HMGXB4: variants seen among roughly 807,000 people sequenced by gnomAD.
HMGXB4 encodes the protein HMG-box containing 4, also known as HMG domain-containing protein 4.
HMGXB4 carries 27 observed loss-of-function variants against 63.9 expected under a neutral mutation model. That is an observed-to-expected ratio of 0.42 (90% CI 0.31 to 0.58). The LOEUF (loss-of-function observed/expected upper bound fraction) is 0.58. Among genes scored for constraint, HMGXB4 ranks in the 20% least tolerant of loss-of-function variants. The probability of loss-of-function intolerance (pLI) is 0.13; values close to 1 mark genes in which losing one functional copy is unlikely to be tolerated. For synonymous variants in HMGXB4, 264 were observed against 265.3 expected (o/e 0.99, Z 0.05); for missense variants, 624 against 700.7 (o/e 0.89, Z 1.24).
intron 5 of HMGXB4, among the ~76,000 whole-genome samples, chr22:35,278,427 A>G (rs1314174558): frequency 1.3e-5 from 2 of 152,138 alleles, no homozygotes; most frequent in Non-Finnish European, 2.9e-5. Flanking sequence ...AGAACCACCA[A>G]ACTGTTTTCC....
the HMGXB4 span, among the ~76,000 whole-genome samples, chr22:35,245,021 C>T: frequency 1.2e-4 from 19 of 152,060 alleles, no homozygotes; most frequent in African/African-American, 3.6e-4. Context: ...TACAGGTGCC[C>T]GCCACCACGC....
At chr22:35,274,067 T>C (rs889921610) in intron 5 of HMGXB4, among the ~76,000 whole-genome samples, 10 of 152,352 alleles carry the variant, frequency 6.6e-5, no homozygotes, top group Non-Finnish European at 1.0e-4. Flanking sequence ...GAAGATACAG[T>C]GTCTGCTCTC....
At chr22:35,259,195 T>G (rs1282957353) in intron 1 of HMGXB4, among the ~76,000 whole-genome samples, 3 of 152,228 alleles carry the variant, frequency 2.0e-5, no homozygotes, top group Non-Finnish European at 4.4e-5. Flanking sequence ...TTTGTGCATT[T>G]CATAAGTATA....
intron 5 of HMGXB4, among the ~76,000 whole-genome samples, chr22:35,282,061 AC>A (rs1298431823): frequency 1.3e-5 from 2 of 152,236 alleles, no homozygotes; most frequent in Non-Finnish European, 2.9e-5. Flanking sequence ...AAAGCAAGAT[AC>A]AACTCTGAAG....
intron 5 of HMGXB4, among the ~76,000 whole-genome samples, chr22:35,269,661 G>C (rs957503387): frequency 6.6e-6 from 1 of 152,216 alleles, no homozygotes; most frequent in Non-Finnish European, 1.5e-5. Flanking sequence ...GTTTATTTAT[G>C]ATCTAAATGA....
At chr22:35,249,764 A>G in the HMGXB4 span, 1 of 99,596 alleles carries the variant, frequency 1.0e-5, no homozygotes, top group South Asian at 3.6e-4. Context: ...AGGGGAAGAC[A>G]AAATGTAAAA....
At chr22:35,273,168 C>T (rs938025625) in intron 5 of HMGXB4, among the ~76,000 whole-genome samples, 2 of 152,152 alleles carry the variant, frequency 1.3e-5, no homozygotes, top group Non-Finnish European at 1.5e-5. Context: ...GTAACAGCAA[C>T]AATAAATGGT....
At chr22:35,268,593 T>TC (rs1255438433) in intron 5 of HMGXB4, among the ~76,000 whole-genome samples, 3 of 152,188 alleles carry the variant, frequency 2.0e-5, no homozygotes, top group African/African-American at 7.2e-5. Context: ...GACTCTAAGC[T>TC]CCAAGAGGAC....
chr22:35,283,446 A>G (rs1335259683), intron 5 of HMGXB4, among the ~76,000 whole-genome samples: 1 of 152,210 alleles, frequency 6.6e-6, no homozygotes, highest in African/African-American at 2.4e-5. Flanking sequence ...TTTACCTACT[A>G]AAATTAAAAC....
Position 35,263,237 on chromosome 22 carries a change from A to C in HMGXB4, c.180+11A>C. 15 of 1,598,206 alleles carry C rather than the reference A, an allele frequency of 9.4e-6. No homozygotes were observed. Among genetic ancestry groups the C allele is most frequent in the Non-Finnish European group, 1.2e-5 (14 of 1,174,378 alleles). ...AAGAAGAAGTTGAAGGTAAGTCCTG[A>C]AAATTTAAATTAGGAAAGTCTTAAA... On this transcript the variant is annotated intron_variant, in intron 3 of 10. Coordinates refer to ENST00000216106, the MANE Select transcript of HMGXB4 (RefSeq NM_001003681.3).
intron 6 of HMGXB4, 60 bp from the exon 7 acceptor site, chr22:35,285,937 C>A (rs1569005243): frequency 1.6e-6 from 2 of 1,278,196 alleles, no homozygotes; most frequent in Non-Finnish European, 2.2e-6. Context: ...TTTCACCAAT[C>A]TTCTATTTTG....
At position 35,271,666 on chromosome 22, in the gene HMGXB4, C is replaced by T. The variant is rs1330988224; in HGVS notation, c.1215+6063C>T. On this transcript the variant is annotated intron_variant, in intron 5 of 10. Coordinates refer to ENST00000216106, the MANE Select transcript of HMGXB4 (RefSeq NM_001003681.3). ...CAATACATGCGGAAGTGTTCAGGGC[C>T]TCGGTGTGCCAAGGCGCTCTGGGAC... Among the ~76,000 whole-genome samples, 3 of 152,218 alleles carry T rather than the reference C, an allele frequency of 2.0e-5. No individual in the cohort carries two copies. In the East Asian group the frequency reaches 5.8e-4, roughly 29 times the overall value.
rs566197228 is a variant in HMGXB4, at chr22:35,258,794, G to A, written c.-69+1237G>A. Among the ~76,000 whole-genome samples the A allele has an allele frequency of 2.0e-5, 3 of 152,362 alleles. No homozygotes were observed. In the South Asian group the frequency reaches 6.2e-4, roughly 32 times the overall value. ...TGACTGGCATTTTGAGTTCTTGAAA[G>A]GAGTGGTTGGAAGAAGAGAATGCAG... On this transcript the variant is annotated intron_variant, in intron 1 of 10. Transcript: ENST00000216106.
chr22:35,281,639 ATATATACTT>A (rs1270117251), intron 5 of HMGXB4, among the ~76,000 whole-genome samples: 4 of 152,218 alleles, frequency 2.6e-5, no homozygotes, highest in Admixed American at 6.5e-5. Context: ...TCTCTCAAGC[ATATATACTT>A]TCTAATGTTC....
At chr22:35,285,287 G>A (rs907930612) in intron 6 of HMGXB4, among the ~76,000 whole-genome samples, 1 of 152,206 alleles carries the variant, frequency 6.6e-6, no homozygotes, top group Non-Finnish European at 1.5e-5. Context: ...GCTCACGCCT[G>A]TAATCCCAAC....
chr22:35,251,135 C>T, the HMGXB4 span, among the ~76,000 whole-genome samples: 22 of 151,612 alleles, frequency 1.5e-4, no homozygotes, highest in Admixed American at 1.4e-3. Flanking sequence ...AGTGCAGTGG[C>T]GCGATCTTGG....
chr22:35,288,488 T>A lies in HMGXB4; in HGVS notation c.1638+81T>A, dbSNP rs963259482. 9 of 1,130,326 alleles carry A rather than the reference T, an allele frequency of 8.0e-6. No individual in the cohort carries two copies. In the Admixed American group the frequency reaches 1.8e-4, roughly 22 times the overall value. 70.0% of individuals were successfully genotyped at this position (1,130,326 alleles called of 1,614,324 possible). A position where few individuals can be genotyped will look rare whatever the true frequency, so the allele number is the denominator to read the frequency against. On this transcript the variant is annotated intron_variant, in intron 9 of 10. Coordinates refer to ENST00000216106, the MANE Select transcript of HMGXB4 (RefSeq NM_001003681.3). ...TTTTGATTCATTCACTCATTTTACA[T>A]ACATGTATTGAGCATCTACTTTATG... is the stretch of plus-strand genomic sequence containing the variant.
intron 5 of HMGXB4, among the ~76,000 whole-genome samples, chr22:35,268,790 A>G (rs1200750814): frequency 6.6e-6 from 1 of 152,234 alleles, no homozygotes; most frequent in African/African-American, 2.4e-5. Flanking sequence ...TCTATTAAAC[A>G]TACACTGTAT....
At chr22:35,270,533 G>A (rs1923543104) in intron 5 of HMGXB4, among the ~76,000 whole-genome samples, 1 of 152,198 alleles carries the variant, frequency 6.6e-6, no homozygotes, top group African/African-American at 2.4e-5. Context: ...TGGAAAAATT[G>A]TTTTCCACGA....
Sources: gnomAD v4.1 joint callset for allele counts (sites outside exome capture counted in the v4.1 genomes callset) on GRCh38, gnomAD v4.1.1 for gene constraint, MANE v1.5 for transcripts, NCBI Gene and HGNC (gene_info 2026-07-23, HGNC 2026-07-21) for gene names.